The following MGAT4C variants were observed in gnomAD, a reference collection of about 807,000 sequenced individuals.
MGAT4C encodes alpha-1,3-mannosyl-glycoprotein 4-beta-N-acetylglucosaminyltransferase C.
A neutral mutation model predicts 40.1 loss-of-function variants in MGAT4C; 19 were observed. The ratio of observed to expected loss-of-function variants is 0.47; its 90% CI spans 0.33 to 0.70. The LOEUF (loss-of-function observed/expected upper bound fraction) is 0.70. MGAT4C is among the 30% of genes least tolerant of loss of function. The probability of loss-of-function intolerance (pLI) is 0.02; values close to 1 mark genes in which losing one functional copy is unlikely to be tolerated. For synonymous variants in MGAT4C, 181 were observed against 187.1 expected (o/e 0.97, Z 0.27); for missense variants, 491 against 563.2 (o/e 0.87, Z 1.30).
rs529830537 is a variant in MGAT4C at position 86,310,918 on chromosome 12, C to T, written c.-57+23147G>A. Among the ~76,000 whole-genome samples the T allele has an allele frequency of 4.6e-5, 7 of 152,206 alleles. No homozygotes were observed. The South Asian group carries it at 6.2e-4, about 14-fold the overall frequency. ...CAGCCTGTGCGACACAATGAGACTTCGTCTCAAAAAACAAACAAACAAAAA... is the reference window on the plus strand; with the variant it reads ...CAGCCTGTGCGACACAATGAGACTTTGTCTCAAAAAACAAACAAACAAAAA... On this transcript the variant is annotated intron_variant, in intron 4 of 7. Coordinates refer to the MGAT4C transcript ENST00000548651.
chr12:86,172,724 A>G (rs1236258588), intron 1 of MGAT4C, among the ~76,000 whole-genome samples: 2 of 152,072 alleles, frequency 1.3e-5, no homozygotes, highest in Admixed American at 6.6e-5. Context: ...CAAAGAGACC[A>G]CTTTACAGAT....
chr12:86,821,317 T>C (rs968309518), intron 1 of MGAT4C, among the ~76,000 whole-genome samples: 1 of 150,836 alleles, frequency 6.6e-6, no homozygotes, highest in Non-Finnish European at 1.5e-5. Flanking sequence ...ATGAAAAAAA[T>C]AGACAAAATA....
chr12:86,452,678 C>T (rs1397969261), intron 2 of MGAT4C, among the ~76,000 whole-genome samples: 1 of 151,828 alleles, frequency 6.6e-6, no homozygotes, highest in Non-Finnish European at 1.5e-5. Context: ...TAAGTAATAG[C>T]ATAGTCACTC....
intron 3 of MGAT4C, among the ~76,000 whole-genome samples, chr12:86,393,796 C>G (rs1398851640): frequency 1.3e-5 from 2 of 151,768 alleles, no homozygotes; most frequent in East Asian, 1.9e-4. Context: ...GCATTTAATG[C>G]CTAGGAATTA....
At chr12:86,611,375 A>G (rs1209369534) in intron 2 of MGAT4C, among the ~76,000 whole-genome samples, 1 of 151,732 alleles carries the variant, frequency 6.6e-6, no homozygotes, top group Non-Finnish European at 1.5e-5. Context: ...ACAAACAGAT[A>G]GAGGTCCCAT....
At chr12:86,361,296 A>T (rs1592742509) in intron 3 of MGAT4C, among the ~76,000 whole-genome samples, 2 of 152,202 alleles carry the variant, frequency 1.3e-5, no homozygotes, top group Non-Finnish European at 2.9e-5. Context: ...TAGAAAGCTG[A>T]AACTGGATCC....
chr12:86,632,721 C>A lies in MGAT4C; in HGVS notation c.-229+94488G>T, dbSNP rs533308760. ...GAACTGAACAATGAGAACAGTTGGA[C>A]ACAGGGTGTGGAACATCACACACTG... On this transcript the variant is annotated intron_variant, in intron 2 of 7. Transcript: ENST00000548651. 9.0e-5 allele frequency among the ~76,000 whole-genome samples: 13 copies of A among 143,734 alleles called. No homozygotes were observed. The South Asian group carries it at 2.8e-3, about 31-fold the overall frequency. The allele number at this position is 143,734 out of a possible 152,430, so 94.3% of individuals were successfully genotyped here.
chr12:86,428,160 G>A (rs1022378142), intron 3 of MGAT4C, among the ~76,000 whole-genome samples: 7 of 152,150 alleles, frequency 4.6e-5, no homozygotes, highest in East Asian at 1.9e-4. Flanking sequence ...TTTCAAGATC[G>A]AATTATTTAT....
intron 1 of MGAT4C, among the ~76,000 whole-genome samples, chr12:86,107,139 A>C (rs1441883050): frequency 6.6e-6 from 1 of 152,222 alleles, no homozygotes; most frequent in Non-Finnish European, 1.5e-5. Flanking sequence ...TGTATCTTGA[A>C]ATTGAGAATT....
chr12:86,671,484 A>C (rs1382813193), intron 2 of MGAT4C, among the ~76,000 whole-genome samples: 1 of 152,170 alleles, frequency 6.6e-6, no homozygotes, highest in Non-Finnish European at 1.5e-5. Flanking sequence ...TAATGAAAGG[A>C]TACTTCAACC....
intron 4 of MGAT4C, among the ~76,000 whole-genome samples, chr12:86,273,195 T>G (rs2136109821): frequency 6.6e-6 from 1 of 152,306 alleles, no homozygotes; most frequent in South Asian, 2.1e-4. Context: ...TTTTTGAGGT[T>G]AAATTACTGG....
chr12:86,119,479 C>T (rs1342012224), intron 1 of MGAT4C, among the ~76,000 whole-genome samples: 5 of 151,944 alleles, frequency 3.3e-5, no homozygotes, highest in Non-Finnish European at 4.4e-5. Flanking sequence ...TGCAGTGGCG[C>T]GATCTGCAAC....
intron 2 of MGAT4C, among the ~76,000 whole-genome samples, chr12:86,652,948 A>C (rs1963734041): frequency 6.6e-6 from 1 of 151,898 alleles, no homozygotes. Context: ...AATCATACCA[A>C]AATTTGTCAT....
chr12:86,446,958 A>G (rs1836665583), intron 2 of MGAT4C, among the ~76,000 whole-genome samples: 1 of 151,974 alleles, frequency 6.6e-6, no homozygotes, highest in African/African-American at 2.4e-5. Flanking sequence ...GCCATGCATT[A>G]CTAGTGTTTT....
chr12:86,034,348 T>C (rs1042333216), intron 2 of MGAT4C, among the ~76,000 whole-genome samples: 1 of 149,654 alleles, frequency 6.7e-6, no homozygotes, highest in Non-Finnish European at 1.5e-5. Context: ...TCTTTATACA[T>C]TGGTAGAATT....
intron 1 of MGAT4C, among the ~76,000 whole-genome samples, chr12:86,826,210 T>G (rs1952804246): frequency 6.6e-6 from 1 of 151,454 alleles, no homozygotes; most frequent in Non-Finnish European, 1.5e-5. Flanking sequence ...AAGCCATTCA[T>G]CGCTATCGAC....
intron 1 of MGAT4C, among the ~76,000 whole-genome samples, chr12:86,242,766 A>C (rs78456049): frequency 0.015 from 2,221 of 152,124 alleles, 32 homozygotes; most frequent in African/African-American, 0.035. Context: ...TGCATAAGGC[A>C]CCAATCCCCC....
chr12:86,835,923 T>A (rs1256678537), intron 1 of MGAT4C, among the ~76,000 whole-genome samples: 6 of 151,720 alleles, frequency 4.0e-5, no homozygotes, highest in Non-Finnish European at 8.8e-5. Context: ...TAGAACATCC[T>A]TATGGGAAAA....
chr12:86,052,608 A>G (rs977987500), intron 1 of MGAT4C, among the ~76,000 whole-genome samples: 10 of 152,016 alleles, frequency 6.6e-5, no homozygotes, highest in Admixed American at 6.6e-4. Flanking sequence ...TCACTCAGCA[A>G]AATGTATTGC....
Sources: gnomAD v4.1 joint callset for allele counts (sites outside exome capture counted in the v4.1 genomes callset) on GRCh38, gnomAD v4.1.1 for gene constraint, MANE v1.5 for transcripts, NCBI Gene and HGNC (gene_info 2026-07-23, HGNC 2026-07-21) for gene names.